ASRGL1: variants seen among roughly 807,000 people sequenced by gnomAD.
ASRGL1 encodes the protein isoaspartyl peptidase/L-asparaginase.
ASRGL1 carries 16 observed loss-of-function variants against 22.4 expected under a neutral mutation model. The ratio of observed to expected loss-of-function variants is 0.71; its 90% CI spans 0.48 to 1.08. The LOEUF is 1.08. ASRGL1 is among the 50% of genes least tolerant of loss of function. The pLI is 0.00. For missense variants in ASRGL1, 412 were observed against 410.1 expected, an observed-to-expected ratio of 1.00 and a Z score of -0.04; for synonymous variants, 165 against 159.3, an observed-to-expected ratio of 1.04 and a Z score of -0.27.
rs143743287 is a variant in ASRGL1 at position 62,387,687 on chromosome 11, T to G, written c.492-1446T>G. Among the ~76,000 whole-genome samples, 117 of 152,294 alleles carry G rather than the reference T, an allele frequency of 7.7e-4. 1 individual carries two copies. The East Asian group carries it at 0.021, about 27-fold the overall frequency. ...CCCACCATCACTCTTCCCTGGTGCTTCTTTGTTTTTTTGTTTGGGTTTTTT... is the reference window on the plus strand; with the variant it reads ...CCCACCATCACTCTTCCCTGGTGCTGCTTTGTTTTTTTGTTTGGGTTTTTT... On this transcript the variant is annotated intron_variant, in intron 4 of 6. Transcript: ENST00000415229.
intron 2 of ASRGL1, among the ~76,000 whole-genome samples, chr11:62,350,120 G>A (rs1333824769): frequency 6.6e-6 from 1 of 152,142 alleles, no homozygotes; most frequent in Non-Finnish European, 1.5e-5. Flanking sequence ...GCAGGTTTCA[G>A]CCTTATTTTA....
intron 5 of ASRGL1, among the ~76,000 whole-genome samples, chr11:62,390,579 T>A (rs2302361): frequency 0.29 from 44,180 of 152,132 alleles, 6,537 homozygotes; most frequent in South Asian, 0.36. Context: ...ATTAGGGCAC[T>A]TTGACACCAT....
At chr11:62,365,138 G>A (rs948172636) in intron 4 of ASRGL1, among the ~76,000 whole-genome samples, 1 of 152,106 alleles carries the variant, frequency 6.6e-6, no homozygotes, top group Admixed American at 6.6e-5. Flanking sequence ...ACCAGGAGTG[G>A]GAGAAATGGG....
At chr11:62,384,066 T>G (rs1378052731) in intron 4 of ASRGL1, among the ~76,000 whole-genome samples, 1 of 151,748 alleles carries the variant, frequency 6.6e-6, no homozygotes, top group East Asian at 1.9e-4. Flanking sequence ...GCCATTCATC[T>G]GCCATCACCA....
intron 4 of ASRGL1, among the ~76,000 whole-genome samples, chr11:62,370,588 A>T (rs1468943885): frequency 6.6e-6 from 1 of 152,080 alleles, no homozygotes; most frequent in East Asian, 1.9e-4. Context: ...CTGTAATTTT[A>T]TGTGCTTCTG....
downstream of ASRGL1, among the ~76,000 whole-genome samples, chr11:62,397,318 G>A (rs1023672976): frequency 3.3e-5 from 5 of 150,758 alleles, no homozygotes; most frequent in African/African-American, 1.2e-4. Context: ...GTGAGCCACC[G>A]TGCCCGGCCA....
chr11:62,345,572 C>T (rs1945996208), intron 2 of ASRGL1, among the ~76,000 whole-genome samples: 1 of 152,034 alleles, frequency 6.6e-6, no homozygotes, highest in Non-Finnish European at 1.5e-5. Context: ...CGTGGCCCAG[C>T]ACCAATTGTT....
At chr11:62,396,060 C>A (rs994639812), downstream of ASRGL1, among the ~76,000 whole-genome samples, 1 of 152,052 alleles carries the variant, frequency 6.6e-6, no homozygotes, top group African/African-American at 2.4e-5. Context: ...AGCACCACCG[C>A]ACCCGGCCTT....
chr11:62,345,889 G>A (rs185912700), intron 2 of ASRGL1, among the ~76,000 whole-genome samples: 4 of 152,252 alleles, frequency 2.6e-5, no homozygotes, highest in South Asian at 2.1e-4. Context: ...GACAGGAGGC[G>A]GAGCTCAGGT....
In ASRGL1 at chr11:62,384,783, T is replaced by C. The variant is rs555199223; in HGVS notation, c.492-4350T>C. On this transcript the variant is annotated intron_variant, in intron 4 of 6. Coordinates refer to ENST00000415229, the MANE Select transcript of ASRGL1 (RefSeq NM_001083926.2). ...AAGACAAAAAATTAGCCGGGAGTGG[T>C]GGTGCATGCCCATAATCCCAGCTAC... is the stretch of plus-strand genomic sequence containing the variant. Among the ~76,000 whole-genome samples, 12 of 131,158 alleles carry C rather than the reference T, an allele frequency of 9.1e-5. No individual in the cohort carries two copies. In the East Asian group the frequency reaches 2.6e-3, roughly 28 times the overall value. The allele number at this position is 131,158 out of a possible 152,430, so 86.0% of individuals were successfully genotyped here.
chr11:62,380,058 C>T (rs193094172), intron 4 of ASRGL1, among the ~76,000 whole-genome samples: 305 of 152,180 alleles, frequency 2.0e-3, no homozygotes, highest in Non-Finnish European at 3.1e-3. Flanking sequence ...ACCAATTTGA[C>T]CACAATTATA....
At chr11:62,389,389 T>C (rs1455447116) in intron 5 of ASRGL1, 138 bp downstream of exon 5, 1 of 876,830 alleles carries the variant, frequency 1.1e-6, no homozygotes, top group Non-Finnish European at 1.9e-6. Context: ...TGTCTGGGAG[T>C]GACAATGGGG....
intron 4 of ASRGL1, among the ~76,000 whole-genome samples, chr11:62,364,277 G>A (rs61893607): frequency 0.023 from 3,478 of 152,084 alleles, 54 homozygotes; most frequent in Non-Finnish European, 0.038. Context: ...GTGCGTGTAT[G>A]TGTGTGTGTT....
intron 4 of ASRGL1, among the ~76,000 whole-genome samples, chr11:62,379,561 TG>T (rs1233721956): frequency 2.0e-5 from 3 of 152,218 alleles, no homozygotes; most frequent in Non-Finnish European, 4.4e-5. Context: ...AGTATGAATT[TG>T]AACTCCCTTT....
chr11:62,366,255 G>A (rs1946607860), intron 4 of ASRGL1, among the ~76,000 whole-genome samples: 1 of 140,638 alleles, frequency 7.1e-6, no homozygotes, highest in African/African-American at 2.6e-5. Flanking sequence ...GAGCAAGACT[G>A]TCTCAAAAAA....
At chr11:62,389,419 G>A (rs746791738) in intron 5 of ASRGL1, 168 bp downstream of exon 5, 3 of 731,770 alleles carry the variant, frequency 4.1e-6, no homozygotes, top group African/African-American at 1.7e-5. Context: ...GTTGTTCGGG[G>A]TGCTGCCTTG....
chr11:62,340,354 C>T (rs1945833557), intron 2 of ASRGL1, among the ~76,000 whole-genome samples: 1 of 152,154 alleles, frequency 6.6e-6, no homozygotes, highest in Admixed American at 6.5e-5. Flanking sequence ...CAGAATTTAC[C>T]AGATAGGCAC....
intron 4 of ASRGL1, among the ~76,000 whole-genome samples, chr11:62,366,937 C>A (rs1278102673): frequency 1.3e-5 from 2 of 152,146 alleles, no homozygotes; most frequent in Non-Finnish European, 1.5e-5. Flanking sequence ...AGGCACGGTG[C>A]CTCACGCCTG....
intron 2 of ASRGL1, among the ~76,000 whole-genome samples, chr11:62,346,788 G>A (rs1280627957): frequency 6.7e-6 from 1 of 149,628 alleles, no homozygotes; most frequent in Non-Finnish European, 1.5e-5. Flanking sequence ...TGAGCAACAT[G>A]GTGAAACCCC....
Sources: gnomAD v4.1 joint callset for allele counts (sites outside exome capture counted in the v4.1 genomes callset) on GRCh38, gnomAD v4.1.1 for gene constraint, MANE v1.5 for transcripts, NCBI Gene and HGNC (gene_info 2026-07-23, HGNC 2026-07-21) for gene names.